Variants in SFXN5 observed in about 807,000 individuals in gnomAD.
The protein encoded by SFXN5 is sideroflexin-5.
In SFXN5, 43 loss-of-function variants were observed where a neutral mutation model predicts 50.2. The observed-to-expected ratio is 0.86, with a 90% CI of 0.67 to 1.11. SFXN5 has a LOEUF of 1.11. SFXN5 is among the 50% of genes least tolerant of loss of function. The probability of loss-of-function intolerance (pLI) is 0.00; values close to 1 mark genes in which losing one functional copy is unlikely to be tolerated. For synonymous variants in SFXN5, 203 were observed against 185.8 expected, an observed-to-expected ratio of 1.09 and a Z score of -0.75; for missense variants, 463 against 454.1, an observed-to-expected ratio of 1.02 and a Z score of -0.18.
At chr2:73,014,173 CA>C (rs1675880419) in intron 6 of SFXN5, among the ~76,000 whole-genome samples, 1 of 152,060 alleles carries the variant, frequency 6.6e-6, no homozygotes, top group Non-Finnish European at 1.5e-5. Flanking sequence ...CAGCGGTTTC[CA>C]ATTTTTTGCT....
At chr2:72,995,133 G>A (rs78949858) in intron 9 of SFXN5, among the ~76,000 whole-genome samples, 2,727 of 152,140 alleles carry the variant, frequency 0.018, 48 homozygotes, top group Non-Finnish European at 0.028. Context: ...CAAAGTACCC[G>A]CACATCACAG....
chr2:73,004,894 T>C (rs558234264), intron 6 of SFXN5, among the ~76,000 whole-genome samples: 1 of 152,286 alleles, frequency 6.6e-6, no homozygotes, highest in Non-Finnish European at 1.5e-5. Flanking sequence ...AAGTCTAAAT[T>C]AAAAATAAAT....
rs1162136856 is a variant in SFXN5, at chr2:72,944,755, T to C, written c.*267A>G. 3 of 438,460 alleles carry C rather than the reference T, an allele frequency of 6.8e-6. No homozygotes were observed. Among genetic ancestry groups the C allele is most frequent in the African/African-American group, 6.0e-5 (3 of 50,240 alleles). 27.2% of individuals were successfully genotyped at this position (438,460 alleles called of 1,614,324 possible). A position where few individuals can be genotyped will look rare whatever the true frequency, so the allele number is the denominator to read the frequency against. ...TACAATTTTTCAGCTTCACACATAA[T>C]TGTGCTGAGTGGAGTTTTGACAACC... is the stretch of plus-strand genomic sequence containing the variant. On this transcript the variant is annotated 3_prime_UTR_variant, in exon 14 of 14. Transcript: ENST00000272433.
intron 1 of SFXN5, among the ~76,000 whole-genome samples, chr2:73,063,813 T>G (rs1162493823): frequency 6.6e-6 from 1 of 152,206 alleles, no homozygotes; most frequent in African/African-American, 2.4e-5. Flanking sequence ...GCTGGCTCTG[T>G]GTCTGTCCTC....
chr2:73,050,420 A>ACACACACACACACACACCC (rs1553523879), intron 2 of SFXN5, among the ~76,000 whole-genome samples: 1 of 140,676 alleles, frequency 7.1e-6, no homozygotes, highest in African/African-American at 2.5e-5. Context: ...ACACACACAC[A>ACACACACACACACACACCC]CCCCTGCAGA....
chr2:73,020,264 C>G lies in SFXN5; in HGVS notation c.332G>C (p.Gly111Ala). Reference sequence around the variant, plus strand: ...AATTGGCGTCCCAAAAGGAATATAACCTGTGAACGAGAAGAAAAGAGTCAG... The same window carrying G: ...AATTGGCGTCCCAAAAGGAATATAAGCTGTGAACGAGAAGAAAAGAGTCAG... ...EKIFMPFRMS[G>A]YIPFGTPIVV... Residue 111 changes from glycine to alanine, a missense_variant and splice_region_variant, in exon 6 of 14, where the codon GGT becomes GCT. Physicochemically the swap from Gly to Ala is moderately conservative, Grantham distance 60. Transcript: ENST00000272433. The G allele has an allele frequency of 6.2e-7, 1 of 1,614,026 alleles. No individual in the cohort carries two copies. Among genetic ancestry groups the G allele is most frequent in the Non-Finnish European group, 8.5e-7 (1 of 1,179,946 alleles).
chr2:73,032,858 C>T (rs187584290), intron 3 of SFXN5, among the ~76,000 whole-genome samples: 1 of 152,208 alleles, frequency 6.6e-6, no homozygotes, highest in Non-Finnish European at 1.5e-5. Context: ...TTGGGCCAAT[C>T]GCATTATACC....
Position 72,998,602 on chromosome 2 carries a change from TC to T in SFXN5, c.534+346del, listed in dbSNP as rs1331344662. ...GGCCTTGCAGAGTCATTCAGAGGCA[TC>T]CCCCCACCCCGCTCGCTCCAGCCAC... On this transcript the variant is annotated intron_variant, in intron 9 of 13. Coordinates refer to ENST00000272433, the MANE Select transcript of SFXN5 (RefSeq NM_144579.3). 77 of 272,154 alleles carry T rather than the reference TC, an allele frequency of 2.8e-4. 3 individuals carry two copies. The East Asian group carries it at 6.1e-3, about 21-fold the overall frequency. The allele number at this position is 272,154 out of a possible 1,614,324, so 16.9% of individuals were successfully genotyped here.
chr2:73,010,983 CAAAGA>C (rs1186735406), intron 6 of SFXN5, among the ~76,000 whole-genome samples: 2 of 151,852 alleles, frequency 1.3e-5, no homozygotes, highest in Non-Finnish European at 2.9e-5. Flanking sequence ...CAACCACAAA[CAAAGA>C]AAGGAGGGAA....
chr2:72,993,355 TGGCAATG>T (rs1672842736), intron 9 of SFXN5, among the ~76,000 whole-genome samples: 6 of 152,190 alleles, frequency 3.9e-5, no homozygotes, highest in Admixed American at 3.3e-4. Flanking sequence ...GCCTGCCGCT[TGGCAATG>T]GGGTCAGCAG....
At position 72,968,463 on chromosome 2, in the gene SFXN5, A is replaced by G. The variant is rs1559100067; in HGVS notation, c.812T>C (p.Met271Thr). 2.5e-6 allele frequency: 4 copies of G among 1,610,514 alleles called. No individual in the cohort carries two copies. The highest frequency in any genetic ancestry group is 3.4e-6 in the Non-Finnish European group (4 of 1,178,810). Residue 271 changes from methionine (M) to threonine (T), a missense_variant, in exon 12 of 14, where the codon ATG (methionine) becomes ACG (threonine). Met to Thr is a moderately conservative substitution (Grantham distance 81). Transcript: ENST00000272433. ...MPILVLPPIV[M>T]SMLEKTALLQ... ...CCCAACTCACTTCTCCAGCATGGACATGACGATCGGGGGTAGCACCAGGAT... is the reference window on the plus strand; with the variant it reads ...CCCAACTCACTTCTCCAGCATGGACGTGACGATCGGGGGTAGCACCAGGAT...
At chr2:72,962,952 C>A (rs1469976642) in intron 12 of SFXN5, among the ~76,000 whole-genome samples, 1 of 152,180 alleles carries the variant, frequency 6.6e-6, no homozygotes, top group Non-Finnish European at 1.5e-5. Flanking sequence ...CCATCCAGCA[C>A]CCCCACCCTC....
chr2:73,018,839 G>T (rs1421796387), intron 6 of SFXN5, among the ~76,000 whole-genome samples: 1 of 152,170 alleles, frequency 6.6e-6, no homozygotes, highest in African/African-American at 2.4e-5. Flanking sequence ...CTGCAATACA[G>T]TTTACACACC....
intron 2 of SFXN5, chr2:73,049,294 T>C (rs1478202576): frequency 1.3e-5 from 2 of 152,318 alleles, no homozygotes; most frequent in African/African-American, 2.4e-5. Flanking sequence ...TTTGAGATAG[T>C]GTCTTGCTCT....
At chr2:73,029,870 G>A (rs1037734543) in intron 3 of SFXN5, among the ~76,000 whole-genome samples, 2 of 152,128 alleles carry the variant, frequency 1.3e-5, no homozygotes, top group Admixed American at 1.3e-4. Context: ...TCAGGAGTTT[G>A]AGAACAGCCT....
chr2:72,951,494 T>G (rs895607771), intron 13 of SFXN5, among the ~76,000 whole-genome samples: 9 of 152,058 alleles, frequency 5.9e-5, no homozygotes, highest in African/African-American at 2.2e-4. Flanking sequence ...AGGAATGCAT[T>G]TGGGGCCACC....
chr2:73,027,163 C>A (rs960386281), intron 3 of SFXN5, among the ~76,000 whole-genome samples: 1 of 152,042 alleles, frequency 6.6e-6, no homozygotes, highest in Non-Finnish European at 1.5e-5. Context: ...ACAGTCCCGG[C>A]GTGTTACTGT....
intron 6 of SFXN5, among the ~76,000 whole-genome samples, chr2:73,014,308 A>G (rs1342672844): frequency 1.3e-5 from 2 of 152,176 alleles, no homozygotes; most frequent in Non-Finnish European, 2.9e-5. Context: ...GCACCATATA[A>G]TACTATTAGA....
At chr2:73,070,767 C>T (rs1191718450) in intron 1 of SFXN5, 1 of 152,372 alleles carries the variant, frequency 6.6e-6, no homozygotes. Flanking sequence ...CGCCGTGCCC[C>T]GAAGAGCCTG....
Sources: gnomAD v4.1 joint callset for allele counts (sites outside exome capture counted in the v4.1 genomes callset) on GRCh38, gnomAD v4.1.1 for gene constraint, MANE v1.5 for transcripts, NCBI Gene and HGNC (gene_info 2026-07-23, HGNC 2026-07-21) for gene names.